Variants in NBEAL1 observed in about 807,000 individuals in gnomAD.
The protein encoded by NBEAL1 is neurobeachin like 1, also known as neurobeachin-like protein 1.
Under a neutral mutation model 351.3 loss-of-function variants are expected in NBEAL1, and 273 were observed. The observed-to-expected ratio is 0.78, with a 90% CI of 0.70 to 0.86. The LOEUF (loss-of-function observed/expected upper bound fraction) is 0.86. NBEAL1 is among the 40% of genes least tolerant of loss of function. The pLI, the probability that NBEAL1 is intolerant of heterozygous loss-of-function variation, is 0.00. For missense variants in NBEAL1, 2,961 were observed against 3,201.3 expected (o/e 0.92, Z 1.81); for synonymous variants, 1,050 against 1,086.4 (o/e 0.97, Z 0.66).
intron 36 of NBEAL1, 32 bp from the exon 37 acceptor site, chr2:203,166,117 T>G (rs986968228): frequency 6.6e-7 from 1 of 1,509,712 alleles, no homozygotes; most frequent in African/African-American, 1.4e-5. Context: ...AATGGTTGAA[T>G]TTTTCTGTTT....
At chr2:203,197,426 C>A in intron 48 of NBEAL1, 35 bp downstream of exon 48, 2 of 1,272,320 alleles carry the variant, frequency 1.6e-6, no homozygotes, top group South Asian at 1.2e-5. Context: ...CACTGCTATG[C>A]CTATATTCAT....
intron 15 of NBEAL1, among the ~76,000 whole-genome samples, chr2:203,111,413 C>T (rs577282690): frequency 4.6e-5 from 7 of 152,004 alleles, no homozygotes; most frequent in East Asian, 1.9e-4. Flanking sequence ...GCTCTGTCAC[C>T]AAGGCTGGAG....
At chr2:203,126,221 T>G (rs2062933749) in intron 21 of NBEAL1, 128 bp downstream of exon 21, 5 of 1,002,936 alleles carry the variant, frequency 5.0e-6, no homozygotes, top group Non-Finnish European at 7.1e-6. Flanking sequence ...ATGGATATAA[T>G]TTGTTCACAG....
chr2:203,211,400 G>A (rs2065786491), intron 54 of NBEAL1, among the ~76,000 whole-genome samples: 1 of 152,080 alleles, frequency 6.6e-6, no homozygotes, highest in African/African-American at 2.4e-5. Context: ...CAGCACTTTG[G>A]GAGGTCAAAG....
chr2:203,119,617 G>A (rs1357596833), intron 18 of NBEAL1, among the ~76,000 whole-genome samples: 1 of 151,678 alleles, frequency 6.6e-6, no homozygotes, highest in Non-Finnish European at 1.5e-5. Flanking sequence ...GTACAGACGA[G>A]GTTTCACCAT....
At chr2:203,173,247 T>G (rs892255835) in intron 41 of NBEAL1, among the ~76,000 whole-genome samples, 6 of 152,164 alleles carry the variant, frequency 3.9e-5, no homozygotes, top group Admixed American at 6.5e-5. Flanking sequence ...ACTGATGTGT[T>G]TTCAGTAATA....
chr2:203,215,072 A>G (rs903979710), intron 55 of NBEAL1, among the ~76,000 whole-genome samples: 1 of 152,000 alleles, frequency 6.6e-6, no homozygotes, highest in African/African-American at 2.4e-5. Context: ...AAAAGCAACC[A>G]TTAGGCCTGG....
chr2:203,071,785 A>G (rs1305942211), intron 7 of NBEAL1, among the ~76,000 whole-genome samples: 1 of 152,270 alleles, frequency 6.6e-6, no homozygotes, highest in East Asian at 1.9e-4. Flanking sequence ...TATAGGATAC[A>G]CATTCCCATT....
intron 43 of NBEAL1, 39 bp from the exon 44 acceptor site, chr2:203,183,240 C>G (rs1209186376): frequency 1.8e-6 from 2 of 1,114,396 alleles, no homozygotes; most frequent in African/African-American, 1.6e-5. Context: ...TTATTATAAT[C>G]TAAAATGATT....
At chr2:203,064,631 T>A (rs1008483728) in intron 6 of NBEAL1, among the ~76,000 whole-genome samples, 2 of 152,092 alleles carry the variant, frequency 1.3e-5, no homozygotes, top group Admixed American at 1.3e-4. Context: ...CTAATTTTTT[T>A]AAAAAAAGGA....
chr2:203,106,896 A>G (rs985105077), intron 12 of NBEAL1, among the ~76,000 whole-genome samples: 8 of 152,166 alleles, frequency 5.3e-5, no homozygotes, highest in African/African-American at 1.9e-4. Context: ...TCCTAAAATG[A>G]ACTTGATGTT....
At chr2:203,093,848 A>G (rs2062121477) in intron 10 of NBEAL1, among the ~76,000 whole-genome samples, 2 of 152,172 alleles carry the variant, frequency 1.3e-5, no homozygotes, top group Admixed American at 1.3e-4. Flanking sequence ...CTGTCTCAAA[A>G]AAACAAAAAC....
At chr2:203,120,752 G>A (rs1295323743) in intron 18 of NBEAL1, among the ~76,000 whole-genome samples, 2 of 152,162 alleles carry the variant, frequency 1.3e-5, no homozygotes, top group African/African-American at 4.8e-5. Flanking sequence ...AAGTTGGATT[G>A]GAGGAATGGA....
At chr2:203,108,307 C>T in intron 14 of NBEAL1, 119 bp downstream of exon 14, 2 of 738,558 alleles carry the variant, frequency 2.7e-6, no homozygotes, top group Non-Finnish European at 4.4e-6. Context: ...TATCTAAAGT[C>T]TCTTCATCCT....
intron 17 of NBEAL1, among the ~76,000 whole-genome samples, chr2:203,114,861 T>C (rs1173900340): frequency 6.6e-6 from 1 of 151,448 alleles, no homozygotes; most frequent in East Asian, 2.0e-4. Context: ...AAGTGTTTCT[T>C]GTGCTTCAGC....
chr2:203,143,556 C>G (rs1216829934), intron 31 of NBEAL1, among the ~76,000 whole-genome samples: 1 of 150,308 alleles, frequency 6.7e-6, no homozygotes, highest in African/African-American at 2.5e-5. Flanking sequence ...CAGCACCACT[C>G]TCCATCATCT....
intron 7 of NBEAL1, among the ~76,000 whole-genome samples, chr2:203,073,892 G>A (rs2061722797): frequency 6.6e-6 from 1 of 152,106 alleles, no homozygotes; most frequent in South Asian, 2.1e-4. Context: ...CACAGATTTT[G>A]ATATGTTTGT....
chr2:203,068,042 A>G (rs2061622141), intron 6 of NBEAL1, among the ~76,000 whole-genome samples: 1 of 152,228 alleles, frequency 6.6e-6, no homozygotes, highest in Non-Finnish European at 1.5e-5. Flanking sequence ...GATAAATTTC[A>G]ACTTTACTGT....
chr2:203,029,597 T>A (rs2060917452), intron 2 of NBEAL1, among the ~76,000 whole-genome samples: 1 of 150,242 alleles, frequency 6.7e-6, no homozygotes, highest in Non-Finnish European at 1.5e-5. Flanking sequence ...GAGGCCGAAG[T>A]GGGAGAATCA....
Sources: allele counts gnomAD v4.1 joint callset (sites outside exome capture counted in the v4.1 genomes callset), GRCh38; gene constraint gnomAD v4.1.1; transcripts MANE v1.5; gene names NCBI Gene and HGNC (gene_info 2026-07-23, HGNC 2026-07-21).